LIFR: variants seen among roughly 807,000 people sequenced by gnomAD.
LIFR encodes LIF receptor subunit alpha.
In LIFR, 84 loss-of-function variants were observed where a neutral mutation model predicts 122.2. That is an observed-to-expected ratio of 0.69 (90% CI 0.58 to 0.82). LIFR has a LOEUF of 0.82. Ranked by LOEUF, LIFR falls within the 40% of genes least tolerant of loss-of-function variation. LIFR has a pLI of 0.00. For missense variants in LIFR, 1,294 were observed against 1,311.6 expected (o/e 0.99, Z 0.21); for synonymous variants, 422 against 434.7 (o/e 0.97, Z 0.36).
intron 5 of LIFR, 100 bp from the exon 6 acceptor site, chr5:38,512,064 C>T: frequency 8.5e-7 from 1 of 1,179,998 alleles, no homozygotes; most frequent in Non-Finnish European, 1.2e-6. Flanking sequence ...CAATCATCAG[C>T]TAAGTTTATG....
upstream of LIFR, chr5:38,559,321 A>T (rs1329907476): frequency 1.3e-5 from 2 of 152,224 alleles, no homozygotes; most frequent in Non-Finnish European, 2.9e-5. Flanking sequence ...AGCTTTAAAA[A>T]TATGTTAGCA....
chr5:38,489,597 A>G (rs1369547565), intron 15 of LIFR, among the ~76,000 whole-genome samples: 1 of 152,178 alleles, frequency 6.6e-6, no homozygotes, highest in African/African-American at 2.4e-5. Flanking sequence ...TAGTTTTTTA[A>G]ACTTGTAAAA....
rs189848764 is a variant in LIFR at position 38,581,875 on chromosome 5, A to G, written c.-20+13386T>C. ...GATCTCGCACAGTATCCTATATTTGAAATGCCACCACACATTCCTCCTTTT... is the reference window on the plus strand; with the variant it reads ...GATCTCGCACAGTATCCTATATTTGGAATGCCACCACACATTCCTCCTTTT... On this transcript the variant is annotated intron_variant, in intron 1 of 19. Transcript: ENST00000263409. Among the ~76,000 whole-genome samples the G allele has an allele frequency of 2.2e-4, 34 of 152,254 alleles. 1 individual carries two copies. The East Asian group carries it at 5.8e-3, about 26-fold the overall frequency.
intron 1 of LIFR, among the ~76,000 whole-genome samples, chr5:38,553,734 A>T (rs1748368641): frequency 1.4e-5 from 2 of 145,718 alleles, no homozygotes; most frequent in South Asian, 4.4e-4. Context: ...AAAGCCCTCA[A>T]AAATAAGCAT....
chr5:38,505,079 T>C (rs369647040), intron 9 of LIFR, among the ~76,000 whole-genome samples: 1 of 152,060 alleles, frequency 6.6e-6, no homozygotes. Context: ...GAGCTATATA[T>C]TAATACGATT....
At chr5:38,592,795 G>A (rs1201037877) in intron 1 of LIFR, among the ~76,000 whole-genome samples, 1 of 151,900 alleles carries the variant, frequency 6.6e-6, no homozygotes, top group African/African-American at 2.4e-5. Context: ...ATATATAATG[G>A]TTGTACATAT....
chr5:38,565,481 G>A (rs1315017418), intron 1 of LIFR, among the ~76,000 whole-genome samples: 1 of 152,054 alleles, frequency 6.6e-6, no homozygotes, highest in African/African-American at 2.4e-5. Context: ...GAAGGAAGGT[G>A]GGAAGGGCAG....
chr5:38,526,812 C>T (rs1403177251), intron 4 of LIFR, among the ~76,000 whole-genome samples: 1 of 152,116 alleles, frequency 6.6e-6, no homozygotes, highest in Admixed American at 6.6e-5. Flanking sequence ...CTTGATTTGC[C>T]TTTCTGATTC....
chr5:38,563,405 T>G (rs1295538213), intron 1 of LIFR, among the ~76,000 whole-genome samples: 7 of 152,176 alleles, frequency 4.6e-5, no homozygotes, highest in Admixed American at 4.6e-4. Context: ...AGATTAATAT[T>G]AATTGGTTAT....
intron 9 of LIFR, among the ~76,000 whole-genome samples, chr5:38,505,381 A>G (rs1745413299): frequency 1.3e-5 from 2 of 149,726 alleles, no homozygotes; most frequent in South Asian, 4.2e-4. Flanking sequence ...CTGAATCTAT[A>G]CCTATAAATT....
At chr5:38,570,430 G>A (rs932441529) in intron 1 of LIFR, among the ~76,000 whole-genome samples, 2 of 152,130 alleles carry the variant, frequency 1.3e-5, no homozygotes, top group African/African-American at 4.8e-5. Flanking sequence ...TAGAGTTCTT[G>A]TTTTCCTCTT....
intron 11 of LIFR, 61 bp from the exon 12 acceptor site, chr5:38,499,644 G>A: frequency 8.6e-7 from 1 of 1,159,068 alleles, no homozygotes; most frequent in Non-Finnish European, 1.3e-6. Flanking sequence ...ATGGTGCTTG[G>A]CATTTTTTTT....
intron 1 of LIFR, among the ~76,000 whole-genome samples, chr5:38,591,431 A>G (rs1749917784): frequency 6.6e-6 from 1 of 152,224 alleles, no homozygotes; most frequent in South Asian, 2.1e-4. Flanking sequence ...CTGACTGCTC[A>G]CATGGGCATG....
At position 38,513,433 on chromosome 5, in the gene LIFR, A is replaced by G. The variant is rs542123095; in HGVS notation, c.562-1469T>C. ...GTTGGCTACCCAGATCCCTTCCCAC[A>G]CTCCACACTACCGAAGGACTACCTT... On this transcript the variant is annotated intron_variant, in intron 5 of 19. Transcript: ENST00000453190. Among the ~76,000 whole-genome samples, 7 of 152,308 alleles carry G rather than the reference A, an allele frequency of 4.6e-5. No individual in the cohort carries two copies. The South Asian group carries it at 1.2e-3, about 27-fold the overall frequency.
chr5:38,481,722 G>A lies in LIFR; in HGVS notation c.3167C>T (p.Ser1056Leu). ...ATTAATGGAGCATGGACTTCCAAAT[G>A]AGACAATCTCACTGTTGCTGTCTAT... ...RSIDSNSEIVSFGSPCSINSR... is the reference protein window; with the variant it reads ...RSIDSNSEIVLFGSPCSINSR... The change falls in exon 20 of 20, where the codon TCA (serine) becomes TTA (leucine). Residue 1056 changes from serine to leucine, a missense_variant. Ser to Leu is a moderately radical substitution (Grantham distance 145, BLOSUM62 -2). Coordinates refer to ENST00000453190, the MANE Select transcript of LIFR (RefSeq NM_001127671.2). The A allele has an allele frequency of 6.2e-7, 1 of 1,614,138 alleles. No homozygotes were observed. Among genetic ancestry groups the A allele is most frequent in the Non-Finnish European group, 8.5e-7 (1 of 1,180,008 alleles).
chr5:38,599,219 A>T (rs1036766263), upstream of LIFR, among the ~76,000 whole-genome samples: 1 of 152,216 alleles, frequency 6.6e-6, no homozygotes, highest in African/African-American at 2.4e-5. Context: ...CCATTCTGAC[A>T]TCTATAGGAT....
chr5:38,562,212 A>G (rs1367194547), intron 1 of LIFR, among the ~76,000 whole-genome samples: 3 of 151,640 alleles, frequency 2.0e-5, no homozygotes, highest in African/African-American at 7.3e-5. Flanking sequence ...TCAGATTCTT[A>G]CTCTTCCTCT....
At chr5:38,488,431 T>C (rs1205999862) in intron 16 of LIFR, among the ~76,000 whole-genome samples, 1 of 152,210 alleles carries the variant, frequency 6.6e-6, no homozygotes, top group African/African-American at 2.4e-5. Context: ...AAAGATGATA[T>C]GCTTGTGTTA....
rs190047377 is a variant in LIFR, at chr5:38,524,949, A to G, written c.398-1367T>C. ...CAAATAAAACAGTTTATAGAGGAAG[A>G]CTGTGGAAAAACCACTGGCGAGGCT... On this transcript the variant is annotated intron_variant, in intron 4 of 19. Transcript: ENST00000453190. Among the ~76,000 whole-genome samples the G allele has an allele frequency of 3.2e-3, 495 of 152,342 alleles. 4 individuals carry two copies. The highest frequency in any genetic ancestry group is 6.8e-3 in the Middle Eastern group (2 of 294).
Sources: allele counts gnomAD v4.1 joint callset (sites outside exome capture counted in the v4.1 genomes callset), GRCh38; gene constraint gnomAD v4.1.1; transcripts MANE v1.5; gene names NCBI Gene and HGNC (gene_info 2026-07-23, HGNC 2026-07-21).